FANCC: variants seen among roughly 807,000 people sequenced by gnomAD.
FANCC encodes the protein FA complementation group C.
In FANCC, 55 loss-of-function variants were observed where a neutral mutation model predicts 71.3. That is an observed-to-expected ratio of 0.77 (90% CI 0.62 to 0.97). FANCC has a LOEUF of 0.97. Ranked by LOEUF, FANCC falls within the 50% of genes least tolerant of loss-of-function variation. FANCC has a pLI of 0.00. For synonymous variants in FANCC, 275 were observed against 244.9 expected (o/e 1.12, Z -1.15); for missense variants, 678 against 670.9 (o/e 1.01, Z -0.12).
rs755695245 is a variant in FANCC, at chr9:95,149,961, C to T, written c.648G>A (p.Gln216=). 1.9e-6 allele frequency: 3 copies of T among 1,611,640 alleles called. No homozygotes were observed. The highest frequency in any genetic ancestry group is 2.2e-5 in the East Asian group (1 of 44,852). ...CGTTTACAGCCTCAAAGAACTCTGGCTGGAGGATTTCCTGAGGTTCACGTC... is the reference window on the plus strand; with the variant it reads ...CGTTTACAGCCTCAAAGAACTCTGGTTGGAGGATTTCCTGAGGTTCACGTC... ...CHGREPQEIL[Q]PEFFEAVNEA... is the part of the protein sequence containing the mutation. The change falls in exon 7 of 15, where the codon CAG becomes CAA. Residue 216 remains glutamine, a synonymous_variant. Coordinates refer to ENST00000289081, the MANE Select transcript of FANCC (RefSeq NM_000136.3).
chr9:95,123,745 G>A, intron 10 of FANCC: 3 of 694,832 alleles, frequency 4.3e-6, no homozygotes, highest in Non-Finnish European at 5.4e-6. Flanking sequence ...ATTACTGTCT[G>A]AGTTGTGCAA....
At chr9:95,215,139 C>T (rs753849282) in intron 4 of FANCC, among the ~76,000 whole-genome samples, 28 of 152,046 alleles carry the variant, frequency 1.8e-4, no homozygotes, top group Non-Finnish European at 2.9e-4. Context: ...CTTACCAGTT[C>T]AAAGACAAAG....
intron 1 of FANCC, among the ~76,000 whole-genome samples, chr9:95,260,773 T>A (rs183123934): frequency 6.0e-4 from 92 of 152,228 alleles, no homozygotes; most frequent in Non-Finnish European, 1.6e-4. Context: ...TATTATAGTT[T>A]ATAAATGTGA....
chr9:95,250,631 T>C (rs1298725523), intron 1 of FANCC, among the ~76,000 whole-genome samples: 1 of 152,240 alleles, frequency 6.6e-6, no homozygotes, highest in Non-Finnish European at 1.5e-5. Flanking sequence ...TAGCCAAAAA[T>C]CTAGATAATG....
intron 4 of FANCC, among the ~76,000 whole-genome samples, chr9:95,174,594 G>C (rs914657263): frequency 7.3e-5 from 11 of 151,454 alleles, no homozygotes; most frequent in Non-Finnish European, 1.0e-4. Context: ...TTCCATACAT[G>C]TATGTGCTTC....
At chr9:95,140,142 G>C (rs1828421756) in intron 7 of FANCC, among the ~76,000 whole-genome samples, 1 of 151,894 alleles carries the variant, frequency 6.6e-6, no homozygotes, top group African/African-American at 2.4e-5. Flanking sequence ...AAATGGGGTG[G>C]ACATTTAGAA....
intron 10 of FANCC, chr9:95,123,844 ACAACCC>A: frequency 1.4e-5 from 9 of 637,872 alleles, no homozygotes; most frequent in South Asian, 5.6e-5. Context: ...ATGCTGCCCC[ACAACCC>A]CCACCAAAGC....
intron 1 of FANCC, among the ~76,000 whole-genome samples, chr9:95,299,753 C>A (rs192704267): frequency 1.3e-5 from 2 of 152,038 alleles, no homozygotes; most frequent in Non-Finnish European, 2.9e-5. Context: ...TCCAGCTACA[C>A]GGGAGGCTGA....
chr9:95,127,019 G>A lies in FANCC; in HGVS notation c.844-438C>T, dbSNP rs1826092158. ...CTGCAGCCTGTTTATTCGGTAATGG[G>A]TACATAACAATTTAGAATTATTATT... is the stretch of plus-strand genomic sequence containing the variant. On this transcript the variant is annotated intron_variant, in intron 8 of 14. Coordinates refer to ENST00000289081, the MANE Select transcript of FANCC (RefSeq NM_000136.3). 4.6e-5 allele frequency: 9 copies of A among 194,162 alleles called. No homozygotes were observed. The South Asian group carries it at 8.2e-4, about 18-fold the overall frequency. 12.0% of individuals were successfully genotyped at this position (194,162 alleles called of 1,614,324 possible).
intron 1 of FANCC, among the ~76,000 whole-genome samples, chr9:95,266,382 G>A (rs565326926): frequency 4.6e-5 from 7 of 152,282 alleles, no homozygotes; most frequent in African/African-American, 1.2e-4. Context: ...GCTTGGTACC[G>A]ACAGGCAGGT....
intron 11 of FANCC, 43 bp from the exon 12 acceptor site, chr9:95,114,753 G>A: frequency 6.4e-7 from 1 of 1,574,426 alleles, no homozygotes; most frequent in Non-Finnish European, 8.7e-7. Context: ...CTGAGGAAAT[G>A]TCAAGCCCAT....
chr9:95,194,043 A>T (rs1370792363), intron 4 of FANCC, among the ~76,000 whole-genome samples: 1 of 152,038 alleles, frequency 6.6e-6, no homozygotes, highest in Non-Finnish European at 1.5e-5. Flanking sequence ...CATACACCAA[A>T]CCAACTGAAG....
chr9:95,143,241 C>T (rs910841286), intron 7 of FANCC, among the ~76,000 whole-genome samples: 1 of 152,194 alleles, frequency 6.6e-6, no homozygotes, highest in African/African-American at 2.4e-5. Context: ...AGGCCCTCTC[C>T]AGGCACGTCA....
At chr9:95,257,811 A>T (rs1831766472) in intron 1 of FANCC, among the ~76,000 whole-genome samples, 1 of 152,220 alleles carries the variant, frequency 6.6e-6, no homozygotes, top group Non-Finnish European at 1.5e-5. Flanking sequence ...GAAAAGAGAG[A>T]AGAATCAAAT....
In FANCC at chr9:95,279,784, C is replaced by T. The variant is rs10993501; in HGVS notation, c.-78-30415G>A. 2.4e-3 allele frequency among the ~76,000 whole-genome samples: 364 copies of T among 151,820 alleles called. 2 individuals carry two copies. Among genetic ancestry groups the T allele is most frequent in the Non-Finnish European group, 2.9e-3 (197 of 67,928 alleles). On this transcript the variant is annotated intron_variant, in intron 1 of 14. Coordinates refer to ENST00000289081, the MANE Select transcript of FANCC (RefSeq NM_000136.3). ...CTAACATAATGAAACGCTGTCTTTA[C>T]TAAAAATACAAAAATTAGCTGGCTG... is the stretch of plus-strand genomic sequence containing the variant.
At chr9:95,112,938 T>C (rs1372657870) in intron 12 of FANCC, among the ~76,000 whole-genome samples, 2 of 152,214 alleles carry the variant, frequency 1.3e-5, no homozygotes, top group African/African-American at 2.4e-5. Context: ...TTCTGAGTGA[T>C]GGTGGAGAGG....
intron 7 of FANCC, among the ~76,000 whole-genome samples, chr9:95,140,648 T>C (rs1564686466): frequency 6.6e-6 from 1 of 152,144 alleles, no homozygotes; most frequent in Non-Finnish European, 1.5e-5. Context: ...CAGTCCACCT[T>C]TTCAAACCAG....
chr9:95,200,887 T>C (rs1827765263), intron 4 of FANCC, among the ~76,000 whole-genome samples: 1 of 152,230 alleles, frequency 6.6e-6, no homozygotes, highest in Admixed American at 6.5e-5. Flanking sequence ...GATATTTATT[T>C]GAACCAGGAA....
In FANCC at chr9:95,229,387, G is replaced by A. The variant is rs79562618; in HGVS notation, c.345+11262C>T. On this transcript the variant is annotated intron_variant, in intron 4 of 14. Coordinates refer to ENST00000289081, the MANE Select transcript of FANCC (RefSeq NM_000136.3). ...CAATGTTCCTGGAGAGGGCAACAGTGGCGTGGATGGGGGTAGAAGCAGTGA... is the reference window on the plus strand; with the variant it reads ...CAATGTTCCTGGAGAGGGCAACAGTAGCGTGGATGGGGGTAGAAGCAGTGA... Among the ~76,000 whole-genome samples the A allele has an allele frequency of 3.3e-3, 501 of 152,162 alleles. 9 individuals are homozygous for A. The East Asian group carries it at 0.043, about 13-fold the overall frequency.
Sources: gnomAD v4.1 joint callset for allele counts (sites outside exome capture counted in the v4.1 genomes callset) on GRCh38, gnomAD v4.1.1 for gene constraint, MANE v1.5 for transcripts, NCBI Gene and HGNC (gene_info 2026-07-23, HGNC 2026-07-21) for gene names.